Variants in OSMR observed in about 807,000 individuals in gnomAD.
OSMR encodes oncostatin-M-specific receptor subunit beta.
Under a neutral mutation model 99.9 loss-of-function variants are expected in OSMR, and 81 were observed. The ratio of observed to expected loss-of-function variants is 0.81; its 90% CI spans 0.68 to 0.97. The LOEUF (loss-of-function observed/expected upper bound fraction) is 0.97. Ranked by LOEUF, OSMR falls within the 50% of genes least tolerant of loss-of-function variation. The pLI, the probability that OSMR is intolerant of heterozygous loss-of-function variation, is 0.00. For synonymous variants in OSMR, 406 were observed against 410.4 expected (o/e 0.99, Z 0.13); for missense variants, 1,099 against 1,153.4 (o/e 0.95, Z 0.68).
At chr5:38,929,320 G>T (rs1746614634) in intron 15 of OSMR, among the ~76,000 whole-genome samples, 1 of 152,102 alleles carries the variant, frequency 6.6e-6, no homozygotes, top group Admixed American at 6.5e-5. Context: ...AAATTGGTTT[G>T]TTAACTTTTT....
At chr5:38,888,416 G>A (rs1365255821) in intron 7 of OSMR, among the ~76,000 whole-genome samples, 3 of 151,718 alleles carry the variant, frequency 2.0e-5, no homozygotes, top group Admixed American at 2.0e-4. Context: ...AAGTTTGGGT[G>A]GGGTGGCGGG....
At chr5:38,852,141 C>G (rs1447768021) in intron 1 of OSMR, among the ~76,000 whole-genome samples, 4 of 152,214 alleles carry the variant, frequency 2.6e-5, no homozygotes, top group Non-Finnish European at 5.9e-5. Context: ...TTCTTTTTAA[C>G]AGTTGCATGT....
At chr5:38,925,645 T>C (rs1033322781) in intron 15 of OSMR, among the ~76,000 whole-genome samples, 1 of 152,206 alleles carries the variant, frequency 6.6e-6, no homozygotes, top group Non-Finnish European at 1.5e-5. Context: ...GAGACAATTC[T>C]CTGGAACTCA....
chr5:38,878,138 A>T (rs967874902), intron 3 of OSMR, among the ~76,000 whole-genome samples: 2 of 152,206 alleles, frequency 1.3e-5, no homozygotes, highest in Non-Finnish European at 2.9e-5. Context: ...TGACAGTCAC[A>T]TGCAGCCCCC....
intron 7 of OSMR, among the ~76,000 whole-genome samples, chr5:38,892,031 A>G (rs1744194027): frequency 6.6e-6 from 1 of 152,078 alleles, no homozygotes; most frequent in South Asian, 2.1e-4. Flanking sequence ...GTGGGCAGTC[A>G]TGGCTCTGAG....
intron 1 of OSMR, among the ~76,000 whole-genome samples, chr5:38,853,341 T>G (rs1205916021): frequency 2.0e-5 from 3 of 152,234 alleles, no homozygotes; most frequent in Non-Finnish European, 4.4e-5. Context: ...TTAATCCTCA[T>G]GCCAATGCTA....
chr5:38,886,342 C>T (rs1743770582), intron 7 of OSMR, 152 bp downstream of exon 7: 7 of 1,480,182 alleles, frequency 4.7e-6, no homozygotes, highest in Non-Finnish European at 5.4e-6. Flanking sequence ...CACGTTTCTC[C>T]TCATGGATGC....
intron 1 of OSMR, chr5:38,942,736 A>ATG: frequency 1.0e-6 from 1 of 980,162 alleles, no homozygotes; most frequent in Non-Finnish European, 1.6e-6. Flanking sequence ...GATTGTAGGC[A>ATG]TGAGTCACCA....
intron 1 of OSMR, chr5:38,941,649 A>C (rs1040222401): frequency 4.3e-6 from 1 of 232,332 alleles, no homozygotes; most frequent in African/African-American, 2.2e-5. Context: ...CAACAAAATG[A>C]AGAGTTGGAA....
chr5:38,888,396 T>C (rs1743939151), intron 7 of OSMR, among the ~76,000 whole-genome samples: 1 of 147,564 alleles, frequency 6.8e-6, no homozygotes, highest in African/African-American at 2.5e-5. Flanking sequence ...TGGCCAGCAT[T>C]TGCACACTGA....
Position 38,919,055 on chromosome 5 carries a change from C to T in OSMR, c.1578C>T (p.Pro526=), listed in dbSNP as rs61734274. 448 of 1,613,762 alleles carry T rather than the reference C, an allele frequency of 2.8e-4. No homozygotes were observed. Among genetic ancestry groups the T allele is most frequent in the East Asian group, 2.0e-4 (9 of 44,866 alleles). ...PASVIVISAD[P]ENKEVEEERI... Reference sequence around the variant, plus strand: ...CTGTAATAGTCATCTCTGCAGACCCCGAAAACAGTGAGTTTGTTTTCATTT... The same window carrying T: ...CTGTAATAGTCATCTCTGCAGACCCTGAAAACAGTGAGTTTGTTTTCATTT... The change falls in exon 11 of 18, where the codon CCC becomes CCT. Residue 526 remains proline (P), a synonymous_variant. Coordinates refer to ENST00000274276, the MANE Select transcript of OSMR (RefSeq NM_003999.3).
chr5:38,914,858 C>T (rs1331388172), intron 9 of OSMR, among the ~76,000 whole-genome samples: 2 of 152,084 alleles, frequency 1.3e-5, no homozygotes, highest in African/African-American at 2.4e-5. Flanking sequence ...AGGGGGCAAG[C>T]GTTGAAAAAC....
chr5:38,906,219 G>C lies in OSMR; in HGVS notation c.1285+1716G>C, dbSNP rs148694150. Among the ~76,000 whole-genome samples, 290 of 151,382 alleles carry C rather than the reference G, an allele frequency of 1.9e-3. 4 individuals carry two copies. Among genetic ancestry groups the C allele is most frequent in the African/African-American group, 6.7e-3 (277 of 41,286 alleles). On this transcript the variant is annotated intron_variant, in intron 9 of 17. Coordinates refer to ENST00000274276, the MANE Select transcript of OSMR (RefSeq NM_003999.3). Reference sequence around the variant, plus strand: ...CAACATAACTAAAATTATGTAAAAAGGGAAGATGGCAAAAGAATAGAGTTT... The same window carrying C: ...CAACATAACTAAAATTATGTAAAAACGGAAGATGGCAAAAGAATAGAGTTT...
chr5:38,871,363 C>T (rs1412369532), intron 2 of OSMR, among the ~76,000 whole-genome samples: 1 of 152,268 alleles, frequency 6.6e-6, no homozygotes, highest in Non-Finnish European at 1.5e-5. Context: ...TTCACTGCTG[C>T]TTCCAGCTTT....
chr5:38,929,700 T>C (rs1746632624), intron 15 of OSMR, among the ~76,000 whole-genome samples: 1 of 152,166 alleles, frequency 6.6e-6, no homozygotes, highest in Admixed American at 6.5e-5. Flanking sequence ...AGAGCCTTCA[T>C]TCCTAGGTAT....
At chr5:38,922,452 C>T (rs767671555) in intron 12 of OSMR, among the ~76,000 whole-genome samples, 2 of 152,060 alleles carry the variant, frequency 1.3e-5, no homozygotes, top group Non-Finnish European at 2.9e-5. Context: ...GCAAAGCTTT[C>T]AAGACTATTG....
At chr5:38,918,393 A>G (rs1030099205) in intron 10 of OSMR, among the ~76,000 whole-genome samples, 10 of 152,092 alleles carry the variant, frequency 6.6e-5, no homozygotes, top group Non-Finnish European at 1.3e-4. Context: ...GGCTCTGGGT[A>G]TGGAGAGCAG....
intron 7 of OSMR, among the ~76,000 whole-genome samples, chr5:38,895,746 T>C (rs1744463886): frequency 6.6e-6 from 1 of 152,038 alleles, no homozygotes; most frequent in Admixed American, 6.6e-5. Context: ...TCTCGGAGAG[T>C]TTCCCCAATG....
chr5:38,862,640 C>T lies in OSMR; in HGVS notation c.-13-6392C>T, dbSNP rs563314921. On this transcript the variant is annotated intron_variant, in intron 1 of 17. Coordinates refer to ENST00000274276, the MANE Select transcript of OSMR (RefSeq NM_003999.3). The stretch of plus-strand genomic sequence containing the variant: ...GCAGAGGCGCTCCTCACATCCCAGA[C>T]GGGGCGGCAGGGCAGAGGCGCTCCC... 1.6e-3 allele frequency among the ~76,000 whole-genome samples: 233 copies of T among 148,918 alleles called. 3 individuals are homozygous for T. The East Asian group carries it at 0.022, about 14-fold the overall frequency.
Sources: gnomAD v4.1 joint callset for allele counts (sites outside exome capture counted in the v4.1 genomes callset) on GRCh38, gnomAD v4.1.1 for gene constraint, MANE v1.5 for transcripts, NCBI Gene and HGNC (gene_info 2026-07-23, HGNC 2026-07-21) for gene names.